PHACTR2: variants seen among roughly 807,000 people sequenced by gnomAD.
The protein encoded by PHACTR2 is phosphatase and actin regulator 2.
In PHACTR2, 30 loss-of-function variants were observed where a neutral mutation model predicts 76.0. The ratio of observed to expected loss-of-function variants is 0.39; its 90% CI spans 0.30 to 0.54. The LOEUF is 0.54. Among genes scored for constraint, PHACTR2 ranks in the 20% least tolerant of loss-of-function variants. The pLI, the probability that PHACTR2 is intolerant of heterozygous loss-of-function variation, is 0.61. For missense variants in PHACTR2, 696 were observed against 781.1 expected, an observed-to-expected ratio of 0.89 and a Z score of 1.30; for synonymous variants, 292 against 292.5, an observed-to-expected ratio of 1.00 and a Z score of 0.02.
rs576361028 is a variant in PHACTR2 at position 143,731,470 on chromosome 6, A to G, written c.215-17515A>G. ...GCCCGGCTAATTCTGTATTTTTAGT[A>G]GAGATTGGGTTTCTCCATGTTGGTC... On this transcript the variant is annotated intron_variant, in intron 2 of 12. Transcript: ENST00000440869. The surrounding 1 kb of genome is among the most constrained non-coding windows in gnomAD (Gnocchi z 4.9). Among the ~76,000 whole-genome samples the G allele has an allele frequency of 6.6e-6, 1 of 152,152 alleles. No homozygotes were observed. The highest frequency in any genetic ancestry group is 1.9e-4 in the East Asian group (1 of 5,166).
intron 1 of PHACTR2, among the ~76,000 whole-genome samples, chr6:143,707,062 T>C (rs546072489): frequency 3.6e-4 from 55 of 152,350 alleles, no homozygotes; most frequent in African/African-American, 1.1e-3. Flanking sequence ...CTTTGCCATA[T>C]GTTCTGTGGC....
rs948807205 is a variant in PHACTR2 at position 143,641,485 on chromosome 6, ATTTG to A, written c.13+33177_13+33180del. On this transcript the variant is annotated intron_variant, in intron 1 of 11. Coordinates refer to the PHACTR2 transcript ENST00000305766. This position sits in a 1 kb window ranked among gnomAD's most constrained non-coding sequence, Gnocchi z 5.8. ...GTGAAATAATACATTTCTGTTGTTG[ATTTG>A]TTTGTTTGTTTGTGTGTTTGTTGTT... is the stretch of plus-strand genomic sequence containing the variant. 3.9e-5 allele frequency among the ~76,000 whole-genome samples: 6 copies of A among 151,928 alleles called. No homozygotes were observed. In the South Asian group the frequency reaches 6.3e-4, roughly 16 times the overall value.
rs1025813462 is a variant in PHACTR2, at chr6:143,556,146, T to C, written c.217+18939T>C. ...AAGAAATTAACAAAGGAGCATGCTT[T>C]TAGGACTTCAGGCAGGGATCATTAC... On this transcript the variant is annotated intron_variant, in intron 1 of 11. Coordinates refer to the PHACTR2 transcript ENST00000367584. The surrounding 1 kb of genome is among the most constrained non-coding windows in gnomAD (Gnocchi z 4.3). Among the ~76,000 whole-genome samples the C allele has an allele frequency of 2.0e-5, 3 of 152,220 alleles. No homozygotes were observed. The highest frequency in any genetic ancestry group is 4.4e-5 in the Non-Finnish European group (3 of 68,040).
chr6:143,755,379 C>G lies in PHACTR2; in HGVS notation c.454+1467C>G. On this transcript the variant is annotated intron_variant, in intron 4 of 12. Coordinates refer to ENST00000440869, the MANE Select transcript of PHACTR2 (RefSeq NM_001100164.2). This position sits in a 1 kb window ranked among gnomAD's most constrained non-coding sequence, Gnocchi z 5.2. The stretch of plus-strand genomic sequence containing the variant: ...CATCCAAGAATCGCATCCTGCATTA[C>G]GTAACAGTGCCATCTCTGGTGCCTG... 1 of 456,018 alleles carries G rather than the reference C, an allele frequency of 2.2e-6. No homozygotes were observed. The highest frequency in any genetic ancestry group is 4.4e-6 in the Non-Finnish European group (1 of 226,784). 28.2% of individuals were successfully genotyped at this position (456,018 alleles called of 1,614,324 possible). A position where few individuals can be genotyped will look rare whatever the true frequency, so the allele number is the denominator to read the frequency against.
Position 143,663,027 on chromosome 6 carries a change from C to T in PHACTR2, c.14-48989C>T, listed in dbSNP as rs1776969567. ...ATCTCCAGCTGCATCCATGTTGCTG[C>T]AAAGGACATTATTTCATTCTTTTTT... On this transcript the variant is annotated intron_variant, in intron 1 of 11. Coordinates refer to the PHACTR2 transcript ENST00000305766. The surrounding 1 kb of genome is among the most constrained non-coding windows in gnomAD (Gnocchi z 4.1). Among the ~76,000 whole-genome samples the T allele has an allele frequency of 6.6e-6, 1 of 152,142 alleles. No homozygotes were observed. Among genetic ancestry groups the T allele is most frequent in the Non-Finnish European group, 1.5e-5 (1 of 68,022 alleles).
chr6:143,644,893 T>A (rs1562257691), intron 1 of PHACTR2, among the ~76,000 whole-genome samples: 1 of 152,292 alleles, frequency 6.6e-6, no homozygotes, highest in East Asian at 1.9e-4. Flanking sequence ...AGTTCTTTAG[T>A]GGTGATTTGT....
Position 143,723,370 on chromosome 6 carries a change from TGAG to T in PHACTR2, c.214+11191_214+11193del, listed in dbSNP as rs143340920. Among the ~76,000 whole-genome samples the T allele has an allele frequency of 8.0e-3, 1,216 of 152,272 alleles. 16 individuals carry two copies. The highest frequency in any genetic ancestry group is 0.027 in the African/African-American group (1,105 of 41,544). On this transcript the variant is annotated intron_variant, in intron 2 of 12. Transcript: ENST00000440869. ...TTTTAAAAATCAGTAGAGGAGGGTT[TGAG>T]GAGTTTTGATGTGCCCTCTTTCATG...
In PHACTR2 at chr6:143,825,301, T is replaced by C. The variant is rs188787806; in HGVS notation, c.*1612T>C. On this transcript the variant is annotated 3_prime_UTR_variant, in exon 13 of 13. Coordinates refer to ENST00000440869, the MANE Select transcript of PHACTR2 (RefSeq NM_001100164.2). The surrounding 1 kb of genome is among the most constrained non-coding windows in gnomAD (Gnocchi z 4.1). ...TAACCCGGTGAATAAATGTAGATCC[T>C]GCCATTCATTGGTATTTTAAAGAAC... The C allele has an allele frequency of 6.6e-6, 1 of 152,336 alleles. No individual in the cohort carries two copies. The highest frequency in any genetic ancestry group is 1.5e-5 in the Non-Finnish European group (1 of 68,030). 9.4% of individuals were successfully genotyped at this position (152,336 alleles called of 1,614,324 possible).
In PHACTR2 at chr6:143,788,642, CTTT is replaced by C. The variant is rs200962238; in HGVS notation, c.1708-118_1708-116del. 4,053 of 431,340 alleles carry C rather than the reference CTTT, an allele frequency of 9.4e-3. 1 individual carries two copies. Among genetic ancestry groups the C allele is most frequent in the Middle Eastern group, 0.013 (20 of 1,538 alleles). 26.7% of individuals were successfully genotyped at this position (431,340 alleles called of 1,614,324 possible). A position where few individuals can be genotyped will look rare whatever the true frequency, so the allele number is the denominator to read the frequency against. On this transcript the variant is annotated intron_variant, in intron 10 of 12. Transcript: ENST00000440869. ...TTAGAAATTCCCAAGATGCTGTTGC[CTTT>C]TTTTTTTTTTTTGATCTGAAAGTGA... is the stretch of plus-strand genomic sequence containing the variant.
chr6:143,753,678 C>T lies in PHACTR2; in HGVS notation c.296-76C>T, dbSNP rs1779234679. ...GACTGAAACATGAATCTAAATTTTA[C>T]AATCCTAGTAACTGGAAAACTTGTT... On this transcript the variant is annotated intron_variant, in intron 3 of 12. Transcript: ENST00000440869. This position sits in a 1 kb window ranked among gnomAD's most constrained non-coding sequence, Gnocchi z 4.6. 1 of 1,020,574 alleles carries T rather than the reference C, an allele frequency of 9.8e-7. No homozygotes were observed. The highest frequency in any genetic ancestry group is 1.6e-5 in the African/African-American group (1 of 61,638). 63.2% of individuals were successfully genotyped at this position (1,020,574 alleles called of 1,614,324 possible). A position where few individuals can be genotyped will look rare whatever the true frequency, so the allele number is the denominator to read the frequency against.
In PHACTR2 at chr6:143,801,844, CT is replaced by C. The variant is rs1424468990; in HGVS notation, c.1846-5210del. Among the ~76,000 whole-genome samples, 1 of 152,114 alleles carries C rather than the reference CT, an allele frequency of 6.6e-6. No individual in the cohort carries two copies. The highest frequency in any genetic ancestry group is 1.5e-5 in the Non-Finnish European group (1 of 68,016). On this transcript the variant is annotated intron_variant, in intron 11 of 12. Transcript: ENST00000440869. This position sits in a 1 kb window ranked among gnomAD's most constrained non-coding sequence, Gnocchi z 4.6. ...TCCCCATCTTTGTGGTTTTATTTAC[CT>C]TTGGTCTTTGATGTTGGTGACCTAC...
rs1009256326 is a variant in PHACTR2, at chr6:143,624,616, T to C, written c.13+16294T>C. The stretch of plus-strand genomic sequence containing the variant: ...AGTTTATTTTCATGGTATGCGGCTT[T>C]TTTCACATGGCTAAATTCCAGCCTG... On this transcript the variant is annotated intron_variant, in intron 1 of 11. Transcript: ENST00000305766. The surrounding 1 kb of genome is among the most constrained non-coding windows in gnomAD (Gnocchi z 4.6). Among the ~76,000 whole-genome samples the C allele has an allele frequency of 6.6e-6, 1 of 152,148 alleles. No homozygotes were observed. Among genetic ancestry groups the C allele is most frequent in the Non-Finnish European group, 1.5e-5 (1 of 68,034 alleles).
At position 143,774,304 on chromosome 6, in the gene PHACTR2, C is replaced by A; in HGVS notation, c.1589+89C>A. ...TACCTAACTGGGGTCATTGTGAATT[C>A]CTTATGTACAGATACATCTGGCCTA... On this transcript the variant is annotated intron_variant, in intron 8 of 12. Transcript: ENST00000440869. The surrounding 1 kb of genome is among the most constrained non-coding windows in gnomAD (Gnocchi z 5.4). 9.8e-7 allele frequency: 1 copy of A among 1,019,794 alleles called. No individual in the cohort carries two copies. Among genetic ancestry groups the A allele is most frequent in the Non-Finnish European group, 1.5e-6 (1 of 677,014 alleles). 63.2% of individuals were successfully genotyped at this position (1,019,794 alleles called of 1,614,324 possible).
Position 143,619,947 on chromosome 6 carries a change from CTCGG to C in PHACTR2, c.13+11630_13+11633del, listed in dbSNP as rs1173161750. ...CTTGTGGTACTTACAGAACATGTCA[CTCGG>C]TCGGGGGTGGGGGGTCAGTTCATTT... is the stretch of plus-strand genomic sequence containing the variant. On this transcript the variant is annotated intron_variant, in intron 1 of 11. Transcript: ENST00000305766. This position sits in a 1 kb window ranked among gnomAD's most constrained non-coding sequence, Gnocchi z 4.5. 1.9e-5 allele frequency among the ~76,000 whole-genome samples: 2 copies of C among 107,414 alleles called. No homozygotes were observed. The highest frequency in any genetic ancestry group is 4.6e-5 in the Non-Finnish European group (2 of 43,786). 70.5% of individuals were successfully genotyped at this position (107,414 alleles called of 152,430 possible).
chr6:143,817,557 A>C (rs1275475729), intron 12 of PHACTR2, among the ~76,000 whole-genome samples: 1 of 152,230 alleles, frequency 6.6e-6, no homozygotes, highest in Admixed American at 6.5e-5. Flanking sequence ...AGACTGTAGC[A>C]ATCAAAGTGT....
chr6:143,788,512 G>A (rs1775603619), intron 10 of PHACTR2, among the ~76,000 whole-genome samples: 1 of 152,128 alleles, frequency 6.6e-6, no homozygotes, highest in Admixed American at 6.5e-5. Flanking sequence ...CAGGCAAGTT[G>A]GGGAAAATAG....
intron 1 of PHACTR2, among the ~76,000 whole-genome samples, chr6:143,584,875 G>A (rs1775609688): frequency 6.6e-6 from 1 of 150,738 alleles, no homozygotes; most frequent in South Asian, 2.1e-4. Flanking sequence ...CGGGCACCAG[G>A]GAGGAGAAGA....
intron 2 of PHACTR2, among the ~76,000 whole-genome samples, chr6:143,729,619 A>T (rs951702313): frequency 6.6e-6 from 1 of 152,136 alleles, no homozygotes; most frequent in African/African-American, 2.4e-5. Context: ...TTGCCTTTGT[A>T]CTGTTTTAAA....
intron 12 of PHACTR2, among the ~76,000 whole-genome samples, chr6:143,813,878 C>T (rs971452890): frequency 6.6e-6 from 1 of 152,010 alleles, no homozygotes. Flanking sequence ...GCACTGATCC[C>T]CACTCACAGT....
Sources: gnomAD v4.1 joint callset for allele counts (sites outside exome capture counted in the v4.1 genomes callset) on GRCh38, gnomAD v4.1.1 for gene constraint, Gnocchi (gnomAD v3.1) non-coding constraint, MANE v1.5 for transcripts, NCBI Gene and HGNC (gene_info 2026-07-23, HGNC 2026-07-21) for gene names.